Variants in MCUB observed in about 807,000 individuals in gnomAD.
MCUB encodes mitochondrial calcium uniporter dominant negative subunit beta.
In MCUB, 46 loss-of-function variants were observed where a neutral mutation model predicts 41.4. That is an observed-to-expected ratio of 1.11 (90% CI 0.88 to 1.42). The LOEUF is 1.42. Ranked by LOEUF, MCUB falls within the 40% of genes most tolerant of loss-of-function variation. The pLI is 0.00. For missense variants in MCUB, 403 were observed against 404.9 expected (o/e 1.00, Z 0.04); for synonymous variants, 148 against 148.2 (o/e 1.00, Z 0.01).
intron 1 of MCUB, among the ~76,000 whole-genome samples, chr4:109,615,062 C>T (rs1728095732): frequency 6.6e-6 from 1 of 152,152 alleles, no homozygotes; most frequent in Non-Finnish European, 1.5e-5. Context: ...TGAAAATCTG[C>T]TCAAGAAACT....
intron 4 of MCUB, among the ~76,000 whole-genome samples, chr4:109,680,511 A>G (rs1394363148): frequency 1.3e-5 from 2 of 151,976 alleles, no homozygotes; most frequent in Non-Finnish European, 2.9e-5. Flanking sequence ...AGCTTTGCCT[A>G]TCTTCCATCT....
chr4:109,664,610 G>T (rs1458869888), intron 4 of MCUB, among the ~76,000 whole-genome samples: 1 of 151,830 alleles, frequency 6.6e-6, no homozygotes, highest in Non-Finnish European at 1.5e-5. Flanking sequence ...CATTTTTTTA[G>T]GGATTGGGTC....
chr4:109,673,807 T>A, intron 4 of MCUB: 3 of 632,430 alleles, frequency 4.7e-6, no homozygotes, highest in Non-Finnish European at 5.7e-6. Context: ...GGGTGAGAGG[T>A]TTTTTCGCTC....
intron 1 of MCUB, among the ~76,000 whole-genome samples, chr4:109,604,157 G>A (rs1426408340): frequency 1.3e-5 from 2 of 151,858 alleles, no homozygotes; most frequent in African/African-American, 4.8e-5. Flanking sequence ...GGTGCAAGAT[G>A]TGCTTTGTTA....
intron 5 of MCUB, among the ~76,000 whole-genome samples, chr4:109,683,549 A>G (rs905332490): frequency 3.9e-5 from 6 of 152,208 alleles, no homozygotes; most frequent in Admixed American, 3.9e-4. Context: ...ACACTTATGA[A>G]TCATTTCAGA....
chr4:109,651,572 TTACA>T (rs1301635449), intron 1 of MCUB, among the ~76,000 whole-genome samples: 13 of 152,322 alleles, frequency 8.5e-5, no homozygotes, highest in Admixed American at 3.3e-4. Flanking sequence ...ATTTCTATAC[TTACA>T]TACACACGTA....
At chr4:109,654,292 G>C (rs748596642) in intron 1 of MCUB, among the ~76,000 whole-genome samples, 1 of 152,064 alleles carries the variant, frequency 6.6e-6, no homozygotes, top group Non-Finnish European at 1.5e-5. Flanking sequence ...TAAGATCCCT[G>C]TCCTGGATGT....
chr4:109,621,244 G>C (rs566982243), intron 1 of MCUB, among the ~76,000 whole-genome samples: 1 of 152,112 alleles, frequency 6.6e-6, no homozygotes, highest in East Asian at 1.9e-4. Context: ...TTACCAGTTT[G>C]ATTGAATTTC....
At chr4:109,628,039 T>C (rs1728399656) in intron 1 of MCUB, among the ~76,000 whole-genome samples, 2 of 152,064 alleles carry the variant, frequency 1.3e-5, no homozygotes, top group South Asian at 4.2e-4. Flanking sequence ...TAGGAAGATG[T>C]TAGAACAGGA....
chr4:109,649,696 C>T (rs1728916750), intron 1 of MCUB, among the ~76,000 whole-genome samples: 2 of 151,802 alleles, frequency 1.3e-5, no homozygotes, highest in African/African-American at 2.4e-5. Context: ...CACATTGTGT[C>T]AGGGACAGAG....
intron 1 of MCUB, among the ~76,000 whole-genome samples, chr4:109,564,107 T>G (rs1452599305): frequency 1.3e-5 from 2 of 152,236 alleles, no homozygotes; most frequent in East Asian, 1.9e-4. Context: ...TCTTATTTAT[T>G]TCTGCTTATA....
At chr4:109,636,750 G>T (rs558828124) in intron 1 of MCUB, among the ~76,000 whole-genome samples, 1 of 152,134 alleles carries the variant, frequency 6.6e-6, no homozygotes, top group South Asian at 2.1e-4. Context: ...CAGGAGAATC[G>T]CTTGAACCTG....
At chr4:109,656,378 TTTTTTTTTTTTTTTG>T (rs765985823) in intron 1 of MCUB, among the ~76,000 whole-genome samples, 8,984 of 108,128 alleles carry the variant, frequency 0.083, 606 homozygotes, top group South Asian at 0.18. Flanking sequence ...TTTTTTTTTT[TTTTTTTTTTTTTTTG>T]GAGACAGGGT....
chr4:109,611,817 A>G lies in MCUB; in HGVS notation c.100-47194A>G, dbSNP rs139865641. 2.6e-5 allele frequency among the ~76,000 whole-genome samples: 4 copies of G among 152,346 alleles called. No homozygotes were observed. The East Asian group carries it at 7.7e-4, about 29-fold the overall frequency. Reference sequence around the variant, plus strand: ...GCCTGTGAAAATGAAGCAGATGGCAAACTGGGGCATTTTAAATTCCACTGC... The same window carrying G: ...GCCTGTGAAAATGAAGCAGATGGCAGACTGGGGCATTTTAAATTCCACTGC... On this transcript the variant is annotated intron_variant, in intron 1 of 7. Coordinates refer to ENST00000394650, the MANE Select transcript of MCUB (RefSeq NM_017918.5).
intron 1 of MCUB, among the ~76,000 whole-genome samples, chr4:109,646,230 A>G (rs1728833116): frequency 6.6e-6 from 1 of 152,126 alleles, no homozygotes; most frequent in African/African-American, 2.4e-5. Flanking sequence ...CTACCCTTAC[A>G]TAATCACAGA....
intron 1 of MCUB, among the ~76,000 whole-genome samples, chr4:109,565,927 T>C (rs553191777): frequency 4.7e-5 from 7 of 150,090 alleles, no homozygotes; most frequent in African/African-American, 1.7e-4. Context: ...AGCCTCAACC[T>C]CGTGGGTTCA....
At chr4:109,594,551 C>G (rs1272478887) in intron 1 of MCUB, among the ~76,000 whole-genome samples, 2 of 152,090 alleles carry the variant, frequency 1.3e-5, no homozygotes, top group Non-Finnish European at 2.9e-5. Context: ...CCCAGCTACT[C>G]AGGAGGCTGA....
In MCUB at chr4:109,633,658, C is replaced by T. The variant is rs146717341; in HGVS notation, c.100-25353C>T. On this transcript the variant is annotated intron_variant, in intron 1 of 7. Coordinates refer to ENST00000394650, the MANE Select transcript of MCUB (RefSeq NM_017918.5). ...AAAGCATTTTATGTGTTGATTTGCA[C>T]GACTTGAATAGAGTTGCCAACTGTG... is the stretch of plus-strand genomic sequence containing the variant. Among the ~76,000 whole-genome samples the T allele has an allele frequency of 2.0e-3, 297 of 152,202 alleles. 2 individuals carry two copies. Among genetic ancestry groups the T allele is most frequent in the African/African-American group, 6.9e-3 (286 of 41,524 alleles).
At chr4:109,597,320 T>G (rs1365270162) in intron 1 of MCUB, among the ~76,000 whole-genome samples, 5 of 123,494 alleles carry the variant, frequency 4.0e-5, no homozygotes, top group Non-Finnish European at 7.0e-5. Context: ...CGGGCAGAGG[T>G]GCCCCTCACC....
Sources: gnomAD v4.1 joint callset for allele counts (sites outside exome capture counted in the v4.1 genomes callset) on GRCh38, gnomAD v4.1.1 for gene constraint, MANE v1.5 for transcripts, NCBI Gene and HGNC (gene_info 2026-07-23, HGNC 2026-07-21) for gene names.